The following DAB1 variants were observed in gnomAD, a reference collection of about 807,000 sequenced individuals.
DAB1 encodes DAB adaptor protein 1.
DAB1 carries 15 observed loss-of-function variants against 64.6 expected under a neutral mutation model. That is an observed-to-expected ratio of 0.23 (90% CI 0.16 to 0.36). The LOEUF (loss-of-function observed/expected upper bound fraction) is 0.36. DAB1 is among the 10% of genes least tolerant of loss of function. DAB1 has a pLI of 1.00. For synonymous variants in DAB1, 235 were observed against 251.9 expected (o/e 0.93, Z 0.64); for missense variants, 596 against 706.7 (o/e 0.84, Z 1.78).
chr1:58,476,958 C>T (rs1234215343), intron 3 of DAB1, among the ~76,000 whole-genome samples: 2 of 152,196 alleles, frequency 1.3e-5, no homozygotes, highest in African/African-American at 4.8e-5. Flanking sequence ...TACTGCTGGA[C>T]ACACATTGAC....
At chr1:58,509,758 G>C (rs1557446622) in intron 2 of DAB1, among the ~76,000 whole-genome samples, 1 of 149,954 alleles carries the variant, frequency 6.7e-6, no homozygotes, top group African/African-American at 2.4e-5. Context: ...GTTAGAGTAA[G>C]AAAAAAAAAG....
chr1:57,518,188 G>GTCATCATCATCA (rs146349545), intron 7 of DAB1, among the ~76,000 whole-genome samples: 62 of 151,604 alleles, frequency 4.1e-4, no homozygotes, highest in African/African-American at 1.4e-3. Flanking sequence ...TGTCGTTGTC[G>GTCATCATCATCA]TCATCATCAT....
intron 5 of DAB1, among the ~76,000 whole-genome samples, chr1:58,021,159 A>G (rs1484186708): frequency 6.6e-6 from 1 of 152,238 alleles, no homozygotes; most frequent in East Asian, 1.9e-4. Flanking sequence ...TTCATAGCTT[A>G]AGGGCTTAGA....
intron 4 of DAB1, among the ~76,000 whole-genome samples, chr1:58,259,699 T>A (rs549863456): frequency 6.6e-6 from 1 of 152,212 alleles, no homozygotes; most frequent in Admixed American, 6.5e-5. Flanking sequence ...AAGAGGAAAT[T>A]AGAGAGGGGA....
At chr1:57,676,049 G>A (rs193064327) in intron 6 of DAB1, among the ~76,000 whole-genome samples, 72 of 152,306 alleles carry the variant, frequency 4.7e-4, no homozygotes, top group African/African-American at 1.7e-3. Flanking sequence ...TTACAACTGA[G>A]GCTATCCTGG....
intron 4 of DAB1, among the ~76,000 whole-genome samples, chr1:58,317,718 G>A (rs1365312142): frequency 6.6e-6 from 1 of 152,210 alleles, no homozygotes; most frequent in East Asian, 1.9e-4. Context: ...ATTTTGCCTG[G>A]TGAGTCCCTG....
At chr1:58,038,048 T>A (rs1373396338) in intron 5 of DAB1, among the ~76,000 whole-genome samples, 1 of 152,200 alleles carries the variant, frequency 6.6e-6, no homozygotes, top group Non-Finnish European at 1.5e-5. Flanking sequence ...CTACCCTAAC[T>A]AATACACTAT....
chr1:57,628,413 C>T (rs1645948842), intron 7 of DAB1, among the ~76,000 whole-genome samples: 2 of 152,184 alleles, frequency 1.3e-5, no homozygotes, highest in African/African-American at 4.8e-5. Flanking sequence ...TTCCTTCCAC[C>T]TTTTCCTGTC....
At chr1:58,087,779 G>A in intron 5 of DAB1, among the ~76,000 whole-genome samples, 1 of 152,232 alleles carries the variant, frequency 6.6e-6, no homozygotes, top group Middle Eastern at 3.2e-3. Flanking sequence ...GTGCAAAATT[G>A]TCAAGGCCTA....
intron 7 of DAB1, among the ~76,000 whole-genome samples, chr1:57,448,691 G>T (rs915519551): frequency 1.3e-5 from 2 of 151,932 alleles, no homozygotes; most frequent in Non-Finnish European, 2.9e-5. Flanking sequence ...AGTCTTACTG[G>T]CATGAAATAA....
chr1:57,651,396 C>A (rs1419887816), intron 6 of DAB1, among the ~76,000 whole-genome samples: 1 of 152,042 alleles, frequency 6.6e-6, no homozygotes, highest in Non-Finnish European at 1.5e-5. Context: ...ATGGTCGACT[C>A]CCTGTTCAAG....
intron 3 of DAB1, among the ~76,000 whole-genome samples, chr1:58,488,512 C>T (rs868453460): frequency 6.6e-6 from 1 of 152,106 alleles, no homozygotes; most frequent in Non-Finnish European, 1.5e-5. Context: ...AGTGCAATGG[C>T]GCGATCTCAG....
intron 1 of DAB1, among the ~76,000 whole-genome samples, chr1:57,320,844 A>T (rs1422675284): frequency 1.3e-5 from 2 of 152,204 alleles, no homozygotes; most frequent in Non-Finnish European, 2.9e-5. Context: ...AAAGAAACCA[A>T]GGCTTACTGA....
chr1:57,131,571 C>T (rs918315612), intron 4 of DAB1, among the ~76,000 whole-genome samples: 1 of 152,204 alleles, frequency 6.6e-6, no homozygotes, highest in African/African-American at 2.4e-5. Context: ...ATTTCCCTTT[C>T]TCAACCTCAG....
chr1:58,488,199 T>C (rs1446165228), intron 3 of DAB1, among the ~76,000 whole-genome samples: 2 of 152,222 alleles, frequency 1.3e-5, no homozygotes, highest in South Asian at 2.1e-4. Context: ...TTATTGTTTA[T>C]AGATTTCTCT....
At chr1:57,606,781 T>C (rs1017380482) in intron 7 of DAB1, among the ~76,000 whole-genome samples, 4 of 29,166 alleles carry the variant, frequency 1.4e-4, no homozygotes, top group East Asian at 5.5e-3. Context: ...AAATATATTT[T>C]ATACATATAT....
At chr1:58,462,633 G>T (rs1645255693) in intron 3 of DAB1, 1 of 152,094 alleles carries the variant, frequency 6.6e-6, no homozygotes, top group Non-Finnish European at 1.5e-5. Flanking sequence ...GTGGTCATCG[G>T]TGGTCAGAAT....
chr1:57,672,937 A>C lies in DAB1; in HGVS notation n.552-23272T>G, dbSNP rs149711861. On this transcript the variant is annotated intron_variant and non_coding_transcript_variant, in intron 6 of 20. Coordinates refer to the DAB1 transcript ENST00000485760. ...TAATTATTGCTTTGGGGTTGAACCT[A>C]AGAGATGTGATCAAGAGAGATCATC... Among the ~76,000 whole-genome samples, 690 of 152,318 alleles carry C rather than the reference A, an allele frequency of 4.5e-3. 4 individuals are homozygous for C. Among genetic ancestry groups the C allele is most frequent in the African/African-American group, 0.016 (658 of 41,578 alleles).
intron 3 of DAB1, among the ~76,000 whole-genome samples, chr1:58,358,536 C>T (rs1480655025): frequency 1.3e-5 from 2 of 152,142 alleles, no homozygotes; most frequent in East Asian, 3.8e-4. Flanking sequence ...TCCGGTCCCC[C>T]TCTAGCCCAG....
Sources: gnomAD v4.1 joint callset for allele counts (sites outside exome capture counted in the v4.1 genomes callset) on GRCh38, gnomAD v4.1.1 for gene constraint, MANE v1.5 for transcripts, NCBI Gene and HGNC (gene_info 2026-07-23, HGNC 2026-07-21) for gene names.